NBAS: variants seen among roughly 807,000 people sequenced by gnomAD.
NBAS encodes the protein NAG/BC035112 fusion.
In NBAS, 219 loss-of-function variants were observed where a neutral mutation model predicts 302.5. The ratio of observed to expected loss-of-function variants is 0.72; its 90% CI spans 0.65 to 0.81. The LOEUF (loss-of-function observed/expected upper bound fraction) is 0.81. Among genes scored for constraint, NBAS ranks in the 30% least tolerant of loss-of-function variants. The probability of loss-of-function intolerance (pLI) is 0.00; values close to 1 mark genes in which losing one functional copy is unlikely to be tolerated. For missense variants in NBAS, 2,932 were observed against 2,841.6 expected, an observed-to-expected ratio of 1.03 and a Z score of -0.72; for synonymous variants, 1,118 against 1,021.6, an observed-to-expected ratio of 1.09 and a Z score of -1.80.
At chr2:15,010,318 G>T in the NBAS span, among the ~76,000 whole-genome samples, 5 of 151,980 alleles carry the variant, frequency 3.3e-5, no homozygotes, top group Admixed American at 1.3e-4. Context: ...TTAATATGAA[G>T]AATAAAAGGC....
chr2:15,119,476 G>A, the NBAS span, among the ~76,000 whole-genome samples: 1 of 151,860 alleles, frequency 6.6e-6, no homozygotes, highest in Admixed American at 6.6e-5. Context: ...GAGTAGCTGG[G>A]ACTACAGGCG....
chr2:14,823,413 GAAAA>G, the NBAS span, among the ~76,000 whole-genome samples: 1 of 152,122 alleles, frequency 6.6e-6, no homozygotes, highest in Non-Finnish European at 1.5e-5. Context: ...TTATAAAGCA[GAAAA>G]AAACTCTTAG....
chr2:15,264,644 G>A (rs1239879089), intron 44 of NBAS, among the ~76,000 whole-genome samples: 1 of 152,174 alleles, frequency 6.6e-6, no homozygotes, highest in African/African-American at 2.4e-5. Flanking sequence ...GAGCGCGCCC[G>A]TATGTGAATC....
At chr2:15,428,768 G>A (rs1251657761) in intron 21 of NBAS, among the ~76,000 whole-genome samples, 1 of 152,130 alleles carries the variant, frequency 6.6e-6, no homozygotes, top group Non-Finnish European at 1.5e-5. Flanking sequence ...TTAAGGCCAG[G>A]CGCGGTGGCT....
At chr2:15,027,350 T>C in the NBAS span, among the ~76,000 whole-genome samples, 2 of 152,054 alleles carry the variant, frequency 1.3e-5, no homozygotes, top group Non-Finnish European at 2.9e-5. Flanking sequence ...TATTTACTCT[T>C]AAGTATTTTA....
At chr2:15,034,039 G>GAAGAAGAAGAAGAA in the NBAS span, among the ~76,000 whole-genome samples, 1 of 84,596 alleles carries the variant, frequency 1.2e-5, no homozygotes, top group Non-Finnish European at 2.2e-5. Context: ...GGAGGAGGAA[G>GAAGAAGAAGAAGAA]GAGGAGGAGG....
intron 41 of NBAS, among the ~76,000 whole-genome samples, chr2:15,291,724 A>G (rs1670311158): frequency 1.3e-5 from 2 of 152,204 alleles, no homozygotes; most frequent in Admixed American, 6.5e-5. Context: ...ACCCTGAACA[A>G]CAAGTCAATT....
At chr2:15,403,057 C>A (rs1202584175) in intron 25 of NBAS, among the ~76,000 whole-genome samples, 2 of 150,054 alleles carry the variant, frequency 1.3e-5, no homozygotes, top group African/African-American at 4.9e-5. Flanking sequence ...CATTTGCATG[C>A]TTATATTATT....
chr2:15,028,827 G>C, the NBAS span, among the ~76,000 whole-genome samples: 1 of 152,096 alleles, frequency 6.6e-6, no homozygotes, highest in Non-Finnish European at 1.5e-5. Flanking sequence ...ACATTACTCA[G>C]TTTTATTTTT....
rs941702135 is a variant in NBAS, at chr2:15,376,406, T to C, written c.3591-1686A>G. ...CTCTGGGAAACACCTGCCAAAAAGA[T>C]TGAGGTGAAATACAATTCCCAGTTT... On this transcript the variant is annotated intron_variant, in intron 30 of 51. Transcript: ENST00000281513. Among the ~76,000 whole-genome samples, 20 of 152,266 alleles carry C rather than the reference T, an allele frequency of 1.3e-4. 3 individuals are homozygous for C. The highest frequency in any genetic ancestry group is 7.2e-4 in the Admixed American group (11 of 15,282).
the NBAS span, among the ~76,000 whole-genome samples, chr2:15,009,693 C>CATATATATATATATATATATATAT: frequency 9.5e-5 from 12 of 126,544 alleles, no homozygotes; most frequent in Admixed American, 1.6e-4. Context: ...TGTAGGAATG[C>CATATATATATATATATATATATAT]ATATATATAT....
chr2:15,528,866 CAAAA>C (rs67437705), intron 9 of NBAS, among the ~76,000 whole-genome samples: 1 of 88,720 alleles, frequency 1.1e-5, no homozygotes. Context: ...GACTCCATCT[CAAAA>C]AAAAAAAAAT....
intron 9 of NBAS, among the ~76,000 whole-genome samples, chr2:15,525,343 T>C (rs1238141632): frequency 2.0e-5 from 3 of 152,168 alleles, no homozygotes; most frequent in Non-Finnish European, 2.9e-5. Flanking sequence ...TGAAGAACTA[T>C]GGTCTGTGCC....
chr2:15,266,843 C>A (rs1057280567), intron 44 of NBAS, among the ~76,000 whole-genome samples: 1 of 152,116 alleles, frequency 6.6e-6, no homozygotes, highest in South Asian at 2.1e-4. Flanking sequence ...TATTTCTAGT[C>A]CCTACCTCTC....
chr2:15,510,551 C>A (rs1474830257), intron 10 of NBAS, among the ~76,000 whole-genome samples: 1 of 152,126 alleles, frequency 6.6e-6, no homozygotes, highest in Non-Finnish European at 1.5e-5. Context: ...ATATGATAAG[C>A]CACAGAAATT....
At chr2:15,361,070 GA>G (rs1351107518) in intron 32 of NBAS, among the ~76,000 whole-genome samples, 2 of 152,108 alleles carry the variant, frequency 1.3e-5, no homozygotes, top group Non-Finnish European at 2.9e-5. Flanking sequence ...ATAAAAAAGT[GA>G]ATAACGTGTT....
chr2:15,147,786 C>T, the NBAS span, among the ~76,000 whole-genome samples: 52 of 152,072 alleles, frequency 3.4e-4, no homozygotes, highest in South Asian at 0.01. Flanking sequence ...TTGCTGGGAA[C>T]GCTGAGAGGC....
intron 29 of NBAS, 104 bp downstream of exon 29, chr2:15,383,111 A>C: frequency 3.2e-6 from 3 of 940,716 alleles, no homozygotes; most frequent in Non-Finnish European, 4.9e-6. Context: ...TTATTAAATA[A>C]TATTACTTCC....
intron 5 of NBAS, among the ~76,000 whole-genome samples, chr2:15,552,106 G>A (rs1171249413): frequency 3.3e-5 from 5 of 152,050 alleles, no homozygotes; most frequent in African/African-American, 1.2e-4. Context: ...AAACCTTCTA[G>A]AAAATAATTT....
Sources: gnomAD v4.1 joint callset for allele counts (sites outside exome capture counted in the v4.1 genomes callset) on GRCh38, gnomAD v4.1.1 for gene constraint, MANE v1.5 for transcripts, NCBI Gene and HGNC (gene_info 2026-07-23, HGNC 2026-07-21) for gene names.